The following FOXP1 variants were observed in gnomAD, a reference collection of about 807,000 sequenced individuals.
FOXP1 encodes the protein forkhead box protein P1.
In FOXP1, 15 loss-of-function variants were observed where a neutral mutation model predicts 98.2. The ratio of observed to expected loss-of-function variants is 0.15; its 90% CI spans 0.10 to 0.24. The LOEUF (loss-of-function observed/expected upper bound fraction) is 0.24, where lower values mean the gene tolerates loss of function less well. Ranked by LOEUF, FOXP1 falls within the 10% of genes least tolerant of loss-of-function variation. The probability of loss-of-function intolerance (pLI) is 1.00; values close to 1 mark genes in which losing one functional copy is unlikely to be tolerated. For synonymous variants in FOXP1, 371 were observed against 314.5 expected (o/e 1.18, Z -1.90); for missense variants, 633 against 848.5 (o/e 0.75, Z 3.15).
chr3:71,545,861 C>A (rs770760495), intron 2 of FOXP1, among the ~76,000 whole-genome samples: 2 of 152,188 alleles, frequency 1.3e-5, no homozygotes, highest in Non-Finnish European at 2.9e-5. Context: ...ATCACACTCT[C>A]CCTGGTTTTC....
chr3:71,261,926 TA>T (rs1345101570), intron 5 of FOXP1, among the ~76,000 whole-genome samples: 1 of 152,126 alleles, frequency 6.6e-6, no homozygotes, highest in Non-Finnish European at 1.5e-5. Flanking sequence ...TCCTGATTAT[TA>T]AGTATCATTT....
chr3:71,504,062 G>A (rs962659528), intron 2 of FOXP1, among the ~76,000 whole-genome samples: 3 of 152,134 alleles, frequency 2.0e-5, no homozygotes, highest in Admixed American at 2.0e-4. Flanking sequence ...ACAACTGTTT[G>A]AGATGTTTCG....
chr3:71,567,763 C>T (rs191875874), intron 2 of FOXP1: 5 of 152,082 alleles, frequency 3.3e-5, no homozygotes, highest in Admixed American at 1.3e-4. Context: ...TATTTAACAA[C>T]TAACACTTTG....
intron 5 of FOXP1, among the ~76,000 whole-genome samples, chr3:71,240,127 G>A (rs2067126142): frequency 6.6e-6 from 1 of 152,238 alleles, no homozygotes; most frequent in Non-Finnish European, 1.5e-5. Flanking sequence ...ATTTGCTAAG[G>A]AAGTAGCCTG....
At position 71,313,059 on chromosome 3, in the gene FOXP1, T is replaced by C. The variant is rs1332161364; in HGVS notation, c.-72-13179A>G. ...ACAATCACAATGAAACTTTAATTCT[T>C]TTTTTTTTTTTTTTTTTTGAGATGG... is the stretch of plus-strand genomic sequence containing the variant. On this transcript the variant is annotated intron_variant, in intron 4 of 20. Coordinates refer to ENST00000649528, the MANE Select transcript of FOXP1 (RefSeq NM_001349338.3). Among the ~76,000 whole-genome samples, 11 of 135,226 alleles carry C rather than the reference T, an allele frequency of 8.1e-5. 1 individual carries two copies. The highest frequency in any genetic ancestry group is 2.8e-4 in the African/African-American group (9 of 32,208). 88.7% of individuals were successfully genotyped at this position (135,226 alleles called of 152,430 possible).
chr3:71,583,700 C>A lies in FOXP1; in HGVS notation c.-576G>T. On this transcript the variant is annotated 5_prime_UTR_variant, in exon 1 of 21. Coordinates refer to ENST00000649528, the MANE Select transcript of FOXP1 (RefSeq NM_001349338.3). ...CACACACGCGCGCACACACGCACTC[C>A]CGGGCGAGGGCCGGGCCGCCGCGAG... 1.0e-6 allele frequency: 1 copy of A among 984,544 alleles called. No individual in the cohort carries two copies. Among genetic ancestry groups the A allele is most frequent in the African/African-American group, 1.7e-5 (1 of 57,212 alleles). 61.0% of individuals were successfully genotyped at this position (984,544 alleles called of 1,614,324 possible).
At chr3:71,295,439 G>C (rs1401418782) in intron 5 of FOXP1, among the ~76,000 whole-genome samples, 1 of 151,978 alleles carries the variant, frequency 6.6e-6, no homozygotes, top group East Asian at 1.9e-4. Flanking sequence ...TTATCTACAA[G>C]GATGCATTTA....
chr3:71,282,495 C>T (rs68050953), intron 5 of FOXP1, among the ~76,000 whole-genome samples: 32,788 of 152,026 alleles, frequency 0.22, 3,823 homozygotes, highest in Middle Eastern at 0.27. Context: ...GTGGAGCCGA[C>T]ATTTACTGAG....
chr3:71,343,486 T>C (rs1337716822), intron 4 of FOXP1, among the ~76,000 whole-genome samples: 2 of 151,934 alleles, frequency 1.3e-5, no homozygotes, highest in Non-Finnish European at 2.9e-5. Context: ...TCCTTTTTTG[T>C]TGGGTTACGG....
chr3:71,543,868 G>A (rs956473611), intron 2 of FOXP1, among the ~76,000 whole-genome samples: 1 of 152,212 alleles, frequency 6.6e-6, no homozygotes, highest in Admixed American at 6.5e-5. Context: ...AGGTAGAAGT[G>A]ATCTTCATTC....
intron 2 of FOXP1, among the ~76,000 whole-genome samples, chr3:71,502,185 G>A (rs762772568): frequency 5.9e-5 from 9 of 152,156 alleles, no homozygotes; most frequent in Non-Finnish European, 1.0e-4. Flanking sequence ...CAAACCTTCC[G>A]TTCCCACTGG....
chr3:71,555,711 G>T (rs1295368002), intron 2 of FOXP1, among the ~76,000 whole-genome samples: 1 of 152,094 alleles, frequency 6.6e-6, no homozygotes, highest in Non-Finnish European at 1.5e-5. Flanking sequence ...TTGCTTCTCA[G>T]TGAAACCGAA....
At chr3:71,539,028 T>C (rs936642338) in intron 2 of FOXP1, among the ~76,000 whole-genome samples, 4 of 151,996 alleles carry the variant, frequency 2.6e-5, no homozygotes, top group Non-Finnish European at 5.9e-5. Context: ...TCCATTGATC[T>C]GTATCTCCAT....
intron 20 of FOXP1, among the ~76,000 whole-genome samples, chr3:70,962,099 T>C (rs2106923888): frequency 6.6e-6 from 1 of 152,322 alleles, no homozygotes; most frequent in East Asian, 1.9e-4. Context: ...TTTTTGCCAA[T>C]CTGTTTCCAT....
chr3:71,123,217 T>C (rs1194551746), intron 6 of FOXP1, among the ~76,000 whole-genome samples: 1 of 152,124 alleles, frequency 6.6e-6, no homozygotes, highest in Non-Finnish European at 1.5e-5. Context: ...TCCCCTGATA[T>C]CCCTAGACCC....
chr3:71,135,255 C>CA (rs11285510), intron 6 of FOXP1, among the ~76,000 whole-genome samples: 15,266 of 75,970 alleles, frequency 0.2, 1,363 homozygotes, highest in East Asian at 0.34. Flanking sequence ...GCCTCCGTCT[C>CA]AAAAAAAAAA....
intron 4 of FOXP1, among the ~76,000 whole-genome samples, chr3:71,340,531 T>G (rs1253961836): frequency 1.3e-5 from 2 of 152,198 alleles, no homozygotes; most frequent in Admixed American, 6.5e-5. Flanking sequence ...CATTTTATTC[T>G]TATTTCTTAA....
chr3:70,986,869 C>A (rs1205784929), intron 14 of FOXP1, among the ~76,000 whole-genome samples: 2 of 152,136 alleles, frequency 1.3e-5, no homozygotes, highest in Admixed American at 6.5e-5. Context: ...TTTTGCCTGC[C>A]AACTGCATCT....
At chr3:71,349,120 A>G (rs1339034111) in intron 4 of FOXP1, among the ~76,000 whole-genome samples, 1 of 152,226 alleles carries the variant, frequency 6.6e-6, no homozygotes, top group Non-Finnish European at 1.5e-5. Flanking sequence ...ATGCTTAAAT[A>G]AAAATGCAAT....
Sources: allele counts gnomAD v4.1 joint callset (sites outside exome capture counted in the v4.1 genomes callset), GRCh38; gene constraint gnomAD v4.1.1; transcripts MANE v1.5; gene names NCBI Gene and HGNC (gene_info 2026-07-23, HGNC 2026-07-21).